The following MORC1 variants were observed in gnomAD, a reference collection of about 807,000 sequenced individuals.
MORC1 encodes MORC family CW-type zinc finger 1.
In MORC1, 59 loss-of-function variants were observed where a neutral mutation model predicts 134.9. That is an observed-to-expected ratio of 0.44 (90% CI 0.35 to 0.54). The LOEUF is 0.54. MORC1 is among the 20% of genes least tolerant of loss of function. The pLI, the probability that MORC1 is intolerant of heterozygous loss-of-function variation, is 0.00. For synonymous variants in MORC1, 395 were observed against 391.7 expected, an observed-to-expected ratio of 1.01 and a Z score of -0.10; for missense variants, 947 against 1,134.5, an observed-to-expected ratio of 0.83 and a Z score of 2.37.
chr3:109,053,328 T>C (rs1341392387), intron 14 of MORC1, among the ~76,000 whole-genome samples: 1 of 152,170 alleles, frequency 6.6e-6, no homozygotes, highest in African/African-American at 2.4e-5. Context: ...CCCACATGTA[T>C]GTTCATTACA....
At chr3:109,003,606 A>G (rs1422044518) in intron 20 of MORC1, among the ~76,000 whole-genome samples, 1 of 152,148 alleles carries the variant, frequency 6.6e-6, no homozygotes, top group Non-Finnish European at 1.5e-5. Context: ...TGGAATTCCA[A>G]GTTAAAAGAG....
chr3:108,987,154 T>C (rs925208183), intron 21 of MORC1, among the ~76,000 whole-genome samples: 10 of 152,216 alleles, frequency 6.6e-5, no homozygotes, highest in Admixed American at 2.6e-4. Context: ...TGCATTATCA[T>C]AGTCATGTTT....
intron 9 of MORC1, among the ~76,000 whole-genome samples, chr3:109,064,335 A>G (rs1950150178): frequency 6.6e-6 from 1 of 152,140 alleles, no homozygotes; most frequent in South Asian, 2.1e-4. Context: ...TATTAATTTT[A>G]CTATTTTTAT....
intron 21 of MORC1, among the ~76,000 whole-genome samples, chr3:108,987,841 T>C (rs1947937365): frequency 6.6e-6 from 1 of 151,854 alleles, no homozygotes; most frequent in Non-Finnish European, 1.5e-5. Context: ...TCTATGTATT[T>C]TGTAAAACTG....
At chr3:109,019,943 C>T (rs551925867) in intron 17 of MORC1, among the ~76,000 whole-genome samples, 1 of 152,200 alleles carries the variant, frequency 6.6e-6, no homozygotes, top group South Asian at 2.1e-4. Context: ...TGTAATTCTC[C>T]TTTATTACAA....
chr3:109,004,757 A>T, intron 20 of MORC1, 60 bp downstream of exon 20: 2 of 1,468,414 alleles, frequency 1.4e-6, no homozygotes, highest in Non-Finnish European at 1.9e-6. Context: ...CTTAAAGATT[A>T]AAGGTTTATC....
intron 21 of MORC1, among the ~76,000 whole-genome samples, chr3:108,992,728 T>C (rs1948098446): frequency 6.6e-6 from 1 of 152,244 alleles, no homozygotes; most frequent in African/African-American, 2.4e-5. Flanking sequence ...CTCATCTCTC[T>C]CTGCACACCT....
chr3:108,966,531 C>T (rs1386094417), intron 26 of MORC1, among the ~76,000 whole-genome samples: 2 of 152,100 alleles, frequency 1.3e-5, no homozygotes, highest in Non-Finnish European at 2.9e-5. Flanking sequence ...AGTTTGATGA[C>T]AGGATTATTA....
At chr3:109,017,737 A>G (rs887919489) in intron 17 of MORC1, among the ~76,000 whole-genome samples, 8 of 152,216 alleles carry the variant, frequency 5.3e-5, no homozygotes, top group Non-Finnish European at 1.0e-4. Flanking sequence ...GTAGCTGTTT[A>G]CCAATGATAG....
intron 17 of MORC1, among the ~76,000 whole-genome samples, chr3:109,012,093 T>A (rs1948698824): frequency 6.6e-6 from 1 of 152,236 alleles, no homozygotes; most frequent in African/African-American, 2.4e-5. Flanking sequence ...CATTTAGCCC[T>A]ATGATCTATT....
chr3:109,054,030 T>C (rs1007139761), intron 14 of MORC1, among the ~76,000 whole-genome samples: 1 of 152,160 alleles, frequency 6.6e-6, no homozygotes, highest in African/African-American at 2.4e-5. Context: ...AGGCCTGTAA[T>C]CCCAGCACTT....
At chr3:108,976,771 T>G (rs1379497620) in intron 24 of MORC1, among the ~76,000 whole-genome samples, 1 of 152,156 alleles carries the variant, frequency 6.6e-6, no homozygotes, top group East Asian at 1.9e-4. Context: ...TTGGTAACAG[T>G]ATGATGATTC....
At chr3:109,035,903 CTT>C (rs1345433395) in intron 14 of MORC1, among the ~76,000 whole-genome samples, 1 of 152,004 alleles carries the variant, frequency 6.6e-6, no homozygotes, top group Non-Finnish European at 1.5e-5. Context: ...GGTTTTTAAT[CTT>C]TATTTTATCT....
chr3:109,035,483 AGCAGGC>A lies in MORC1; in HGVS notation c.1331-21_1331-16del, dbSNP rs770325377. On this transcript the variant is annotated splice_polypyrimidine_tract_variant and intron_variant, in intron 14 of 27. Coordinates refer to ENST00000232603, the MANE Select transcript of MORC1 (RefSeq NM_014429.4). Reference sequence around the variant, plus strand: ...ATTTCTATTATCTTTTAAAAAAAAAAGCAGGCAAAGAATAACAAAAAAAAATCATTA... The same window carrying A: ...ATTTCTATTATCTTTTAAAAAAAAAAAAAGAATAACAAAAAAAAATCATTA... 6 of 1,414,750 alleles carry A rather than the reference AGCAGGC, an allele frequency of 4.2e-6. No individual in the cohort carries two copies. Among genetic ancestry groups the A allele is most frequent in the Non-Finnish European group, 5.7e-6 (6 of 1,051,262 alleles). The allele number at this position is 1,414,750 out of a possible 1,614,324, so 87.6% of individuals were successfully genotyped here.
At position 109,087,139 on chromosome 3, in the gene MORC1, C is replaced by T. The variant is rs866500244; in HGVS notation, c.689+6297G>A. On this transcript the variant is annotated intron_variant, in intron 8 of 27. Coordinates refer to ENST00000232603, the MANE Select transcript of MORC1 (RefSeq NM_014429.4). ...TCATTCCCACTCCATCCTCTGCCCCCCAAATTAATGCCTCTTGAACAGGTG... is the reference window on the plus strand; with the variant it reads ...TCATTCCCACTCCATCCTCTGCCCCTCAAATTAATGCCTCTTGAACAGGTG... Among the ~76,000 whole-genome samples, 70 of 150,754 alleles carry T rather than the reference C, an allele frequency of 4.6e-4. No individual in the cohort carries two copies. The Middle Eastern group carries it at 0.024, about 51-fold the overall frequency.
At chr3:108,985,795 T>C (rs1947880096) in intron 22 of MORC1, among the ~76,000 whole-genome samples, 1 of 152,176 alleles carries the variant, frequency 6.6e-6, no homozygotes, top group Non-Finnish European at 1.5e-5. Context: ...AATTTGGAAA[T>C]CCAACAGAAC....
chr3:109,075,417 T>C (rs1431159365), intron 8 of MORC1, among the ~76,000 whole-genome samples: 1 of 152,194 alleles, frequency 6.6e-6, no homozygotes, highest in African/African-American at 2.4e-5. Context: ...GGTTTTCCTC[T>C]AGAGTTTTTA....
chr3:109,015,492 T>C (rs1948796724), intron 17 of MORC1, among the ~76,000 whole-genome samples: 1 of 152,232 alleles, frequency 6.6e-6, no homozygotes, highest in South Asian at 2.1e-4. Flanking sequence ...TATCACATGC[T>C]ACTTTCACTT....
At chr3:108,959,864 T>C (rs907966203) in intron 27 of MORC1, among the ~76,000 whole-genome samples, 2 of 152,188 alleles carry the variant, frequency 1.3e-5, no homozygotes, top group Admixed American at 6.5e-5. Flanking sequence ...CAGAGCAACA[T>C]GAATTCTGCT....
Sources: gnomAD v4.1 joint callset for allele counts (sites outside exome capture counted in the v4.1 genomes callset) on GRCh38, gnomAD v4.1.1 for gene constraint, MANE v1.5 for transcripts, NCBI Gene and HGNC (gene_info 2026-07-23, HGNC 2026-07-21) for gene names.